The following BPIFB4 variants were observed in gnomAD, a reference collection of about 807,000 sequenced individuals.
The protein encoded by BPIFB4 is BPI fold-containing family B member 4.
A neutral mutation model predicts 69.2 loss-of-function variants in BPIFB4; 62 were observed. The ratio of observed to expected loss-of-function variants is 0.90; its 90% CI spans 0.73 to 1.11. The LOEUF is 1.11. Among genes scored for constraint, BPIFB4 ranks in the 50% least tolerant of loss-of-function variants. The probability of loss-of-function intolerance (pLI) is 0.00; values close to 1 mark genes in which losing one functional copy is unlikely to be tolerated. For synonymous variants in BPIFB4, 330 were observed against 332.7 expected (o/e 0.99, Z 0.09); for missense variants, 789 against 792.0 (o/e 1.00, Z 0.04).
rs1198544768 is a variant in BPIFB4, at chr20:33,090,805, T to C, written c.1143+6T>C. Reference sequence around the variant, plus strand: ...TCCTGGAGCTGGACCTCAACGTGAGTGCCTGGGGTTCAGGGCAAAGGGTGG... The same window carrying C: ...TCCTGGAGCTGGACCTCAACGTGAGCGCCTGGGGTTCAGGGCAAAGGGTGG... On this transcript the variant is annotated splice_donor_region_variant and intron_variant, in intron 10 of 17. Coordinates refer to ENST00000375483, the MANE Select transcript of BPIFB4 (RefSeq NM_182519.3). 4.3e-6 allele frequency: 7 copies of C among 1,613,918 alleles called. No individual in the cohort carries two copies. The highest frequency in any genetic ancestry group is 3.4e-6 in the Non-Finnish European group (4 of 1,179,998).
Position 33,090,650 on chromosome 20 carries a change from G to A in BPIFB4, c.1052-58G>A, listed in dbSNP as rs1436419283. 23 of 1,603,882 alleles carry A rather than the reference G, an allele frequency of 1.4e-5. No individual in the cohort carries two copies. In the South Asian group the frequency reaches 2.4e-4, roughly 17 times the overall value. On this transcript the variant is annotated intron_variant, in intron 9 of 17. Coordinates refer to ENST00000375483, the MANE Select transcript of BPIFB4 (RefSeq NM_182519.3). ...TCCATCCCCAGCCCCAGTGTATGAG[G>A]AGGGAAGGCATCTGGATGGTGAGGG...
chr20:33,096,001 A>T (rs552829737), intron 12 of BPIFB4, among the ~76,000 whole-genome samples: 2 of 152,142 alleles, frequency 1.3e-5, no homozygotes, highest in Admixed American at 1.3e-4. Flanking sequence ...GCTGCAATCT[A>T]TAGCCATTTT....
chr20:33,089,012 G>A lies in BPIFB4; in HGVS notation c.973G>A (p.Asp325Asn), dbSNP rs181836133. Residue 325 changes from aspartate (D) to asparagine (N), a missense_variant, in exon 8 of 18, where the codon GAC becomes AAC. By Grantham distance (23) the Asp-to-Asn change is conservative. Around this residue, in one of 3 missense-constraint regions of BPIFB4, gnomAD observed 611 missense variants for 575.4 expected, o/e 1.06. Coordinates refer to ENST00000375483, the MANE Select transcript of BPIFB4 (RefSeq NM_182519.3). Reference protein sequence around the residue: ...VDNLVNRVLADVLPDLLCPIV... With the variant: ...VDNLVNRVLANVLPDLLCPIV... ...CAATTTAGTGAACCGAGTCCTGGCC[G>A]ACGTCCTCCCTGACTTGGTAAGAAG... The A allele has an allele frequency of 3.8e-5, 61 of 1,613,858 alleles. No individual in the cohort carries two copies. In the Admixed American group the frequency reaches 3.8e-4, roughly 10 times the overall value.
At chr20:33,081,176 G>A (rs540674089) in intron 2 of BPIFB4, among the ~76,000 whole-genome samples, 1 of 152,254 alleles carries the variant, frequency 6.6e-6, no homozygotes, top group African/African-American at 2.4e-5. Context: ...TAGAACCTGC[G>A]AGCTCCCAGT....
At chr20:33,084,022 C>T (rs1981342463) in intron 5 of BPIFB4, 148 bp downstream of exon 5, 2 of 968,998 alleles carry the variant, frequency 2.1e-6, no homozygotes, top group Admixed American at 5.8e-5. Context: ...TTTTAAGACC[C>T]CCAAGTTACA....
intron 15 of BPIFB4, chr20:33,104,590 G>A: frequency 2.0e-6 from 1 of 511,256 alleles, no homozygotes; most frequent in African/African-American, 1.9e-5. Context: ...CACCCATGCT[G>A]GGCCTCAGTC....
intron 8 of BPIFB4, 128 bp downstream of exon 8, chr20:33,089,157 C>A (rs1409817092): frequency 4.8e-6 from 7 of 1,444,360 alleles, no homozygotes; most frequent in Non-Finnish European, 6.6e-6. Context: ...AGGCCTGGGG[C>A]ATGTATTTGG....
At chr20:33,091,055 G>A (rs1981586083) in intron 10 of BPIFB4, among the ~76,000 whole-genome samples, 1 of 152,206 alleles carries the variant, frequency 6.6e-6, no homozygotes, top group Admixed American at 6.5e-5. Flanking sequence ...GCAACCATAT[G>A]AGGGAGGCAC....
At chr20:33,093,979 T>TGTG (rs1981686804) in intron 11 of BPIFB4, among the ~76,000 whole-genome samples, 1 of 152,250 alleles carries the variant, frequency 6.6e-6, no homozygotes, top group African/African-American at 2.4e-5. Context: ...TCCATCTATC[T>TGTG]TATCTGTTTT....
intron 17 of BPIFB4, among the ~76,000 whole-genome samples, chr20:33,108,769 T>C (rs1016124458): frequency 1.3e-5 from 2 of 152,192 alleles, no homozygotes; most frequent in Non-Finnish European, 2.9e-5. Flanking sequence ...TCTGGAAGTG[T>C]CCACCATTAT....
At chr20:33,111,373 C>A (rs766210970) in intron 17 of BPIFB4, 41 bp from the exon 18 acceptor site, 1 of 1,613,610 alleles carries the variant, frequency 6.2e-7, no homozygotes, top group African/African-American at 1.3e-5. Flanking sequence ...CTAGCCAGAG[C>A]CACCCCACCC....
At chr20:33,089,912 C>A (rs924698426) in intron 9 of BPIFB4, among the ~76,000 whole-genome samples, 4 of 152,222 alleles carry the variant, frequency 2.6e-5, no homozygotes, top group Non-Finnish European at 4.4e-5. Flanking sequence ...AGACTCTTCC[C>A]AGTTTTCTCA....
At chr20:33,095,557 G>A (rs542195816) in intron 12 of BPIFB4, among the ~76,000 whole-genome samples, 5 of 152,254 alleles carry the variant, frequency 3.3e-5, no homozygotes, top group East Asian at 1.9e-4. Context: ...GTGTCAACGC[G>A]GGCCAGGCAC....
chr20:33,080,966 G>A (rs976681400), intron 2 of BPIFB4, among the ~76,000 whole-genome samples: 1 of 152,198 alleles, frequency 6.6e-6, no homozygotes, highest in Non-Finnish European at 1.5e-5. Context: ...TGGATGGATG[G>A]TTGGTTGGAT....
At chr20:33,099,601 C>G (rs1021309837) in intron 13 of BPIFB4, among the ~76,000 whole-genome samples, 12 of 152,192 alleles carry the variant, frequency 7.9e-5, no homozygotes, top group Non-Finnish European at 1.0e-4. Flanking sequence ...TAATGCCAAC[C>G]TCTTCCCTGC....
chr20:33,095,171 G>T lies in BPIFB4; in HGVS notation c.1398+18G>T, dbSNP rs536517522. ...TCCCCAAGGTATGTAAGGTGGGCAG[G>T]TCCCATTGCCTTCAGCCTCATTCTC... On this transcript the variant is annotated intron_variant, in intron 12 of 17. Coordinates refer to ENST00000375483, the MANE Select transcript of BPIFB4 (RefSeq NM_182519.3). 4.4e-6 allele frequency: 7 copies of T among 1,588,894 alleles called. No individual in the cohort carries two copies. Among genetic ancestry groups the T allele is most frequent in the Non-Finnish European group, 3.5e-6 (4 of 1,157,112 alleles).
At chr20:33,101,004 C>G (rs531848450) in intron 14 of BPIFB4, among the ~76,000 whole-genome samples, 156 of 152,270 alleles carry the variant, frequency 1.0e-3, no homozygotes, top group African/African-American at 3.6e-3. Flanking sequence ...ATGATTGTGC[C>G]ACTGCACTCC....
intron 17 of BPIFB4, 152 bp from the exon 18 acceptor site, chr20:33,111,262 T>C: frequency 1.1e-6 from 1 of 901,264 alleles, no homozygotes. Context: ...CCTGGCCAGG[T>C]GCTCCTCGGG....
intron 13 of BPIFB4, among the ~76,000 whole-genome samples, chr20:33,099,424 T>C (rs1037703935): frequency 6.6e-6 from 1 of 152,172 alleles, no homozygotes; most frequent in African/African-American, 2.4e-5. Context: ...CATCAGCAGC[T>C]CAGAGGTTTG....
Sources: gnomAD v4.1 joint callset for allele counts (sites outside exome capture counted in the v4.1 genomes callset) on GRCh38, gnomAD v4.1.1 for gene constraint, gnomAD v4.1.1 regional missense constraint, MANE v1.5 for transcripts, NCBI Gene and HGNC (gene_info 2026-07-23, HGNC 2026-07-21) for gene names.